GBE1: variants seen among roughly 807,000 people sequenced by gnomAD.
The protein encoded by GBE1 is 1,4-alpha-glucan-branching enzyme.
In GBE1, 70 loss-of-function variants were observed where a neutral mutation model predicts 88.8. The observed-to-expected ratio is 0.79, with a 90% CI of 0.65 to 0.96. The LOEUF is 0.96. GBE1 is among the 40% of genes least tolerant of loss of function. The pLI is 0.00. For synonymous variants in GBE1, 284 were observed against 300.1 expected (o/e 0.95, Z 0.56); for missense variants, 872 against 871.0 (o/e 1.00, Z -0.01).
At chr3:81,553,699 AAACAG>A (rs1297680492) in intron 12 of GBE1, among the ~76,000 whole-genome samples, 13 of 151,396 alleles carry the variant, frequency 8.6e-5, no homozygotes, top group African/African-American at 2.9e-4. Context: ...AAAAAAAAAA[AAACAG>A]ACAGAAAGTA....
At position 81,731,430 on chromosome 3, in the gene GBE1, C is replaced by T. The variant is rs1706184082; in HGVS notation, c.144-25817G>A. Among the ~76,000 whole-genome samples, 3 of 152,140 alleles carry T rather than the reference C, an allele frequency of 2.0e-5. No individual in the cohort carries two copies. The South Asian group carries it at 6.2e-4, about 32-fold the overall frequency. On this transcript the variant is annotated intron_variant, in intron 1 of 15. Transcript: ENST00000429644. ...CAAAAGCTAAGCCACTGGAATTATCCACTATGGATTCCCTATTACCATATC... is the reference window on the plus strand; with the variant it reads ...CAAAAGCTAAGCCACTGGAATTATCTACTATGGATTCCCTATTACCATATC...
chr3:81,669,543 T>C (rs931417382), intron 3 of GBE1, among the ~76,000 whole-genome samples: 3 of 151,990 alleles, frequency 2.0e-5, no homozygotes, highest in African/African-American at 7.2e-5. Flanking sequence ...AGTCTCAAAA[T>C]GGCTTTAACA....
chr3:81,588,503 T>C (rs1384764821), intron 9 of GBE1, among the ~76,000 whole-genome samples: 1 of 152,086 alleles, frequency 6.6e-6, no homozygotes, highest in Non-Finnish European at 1.5e-5. Flanking sequence ...TTTTAGGAAA[T>C]AGAATCTGCT....
intron 1 of GBE1, among the ~76,000 whole-genome samples, chr3:81,723,738 C>A (rs1706070141): frequency 6.6e-6 from 1 of 152,142 alleles, no homozygotes; most frequent in South Asian, 2.1e-4. Context: ...GACTGGTTAC[C>A]ACCAACGCAC....
chr3:81,670,070 A>C (rs1705168217), intron 3 of GBE1, among the ~76,000 whole-genome samples: 1 of 152,208 alleles, frequency 6.6e-6, no homozygotes, highest in Admixed American at 6.5e-5. Context: ...AATATTATAT[A>C]ATTATATGAC....
chr3:81,617,761 C>G (rs1704270088), intron 7 of GBE1, among the ~76,000 whole-genome samples: 1 of 151,690 alleles, frequency 6.6e-6, no homozygotes, highest in Non-Finnish European at 1.5e-5. Flanking sequence ...CCTTCTTTTT[C>G]TCTTTTCTGG....
intron 7 of GBE1, among the ~76,000 whole-genome samples, chr3:81,623,801 A>C (rs1559666698): frequency 6.6e-6 from 1 of 152,054 alleles, no homozygotes; most frequent in African/African-American, 2.4e-5. Flanking sequence ...AGTAGCTGGG[A>C]CTTCAGGTGA....
At chr3:81,650,582 A>G (rs1704832414) in intron 3 of GBE1, among the ~76,000 whole-genome samples, 1 of 151,940 alleles carries the variant, frequency 6.6e-6, no homozygotes. Context: ...TGAATCTACC[A>G]TTAAGACTTA....
chr3:81,490,470 C>T lies in GBE1; in HGVS notation c.2053-7G>A. 3 of 1,610,764 alleles carry T rather than the reference C, an allele frequency of 1.9e-6. No homozygotes were observed. Among genetic ancestry groups the T allele is most frequent in the Non-Finnish European group, 2.5e-6 (3 of 1,177,510 alleles). On this transcript the variant is annotated splice_region_variant and splice_polypyrimidine_tract_variant and intron_variant, in intron 15 of 15. Coordinates refer to ENST00000429644, the MANE Select transcript of GBE1 (RefSeq NM_000158.4). ...CTCTGCTTGGAATGTACACCTACGT[C>T]AAAACAATTATGTCAGTGCAATTGA...
At chr3:81,505,383 G>A (rs189278111) in intron 14 of GBE1, among the ~76,000 whole-genome samples, 223 of 152,254 alleles carry the variant, frequency 1.5e-3, no homozygotes, top group African/African-American at 5.2e-3. Flanking sequence ...AGCAAGGAGA[G>A]TTTCATGATT....
intron 3 of GBE1, among the ~76,000 whole-genome samples, chr3:81,665,339 C>T (rs113122927): frequency 0.047 from 7,164 of 151,892 alleles, 475 homozygotes; most frequent in East Asian, 0.34. Context: ...CGAGACCATC[C>T]TGGCTAACAC....
rs116360008 is a variant in GBE1, at chr3:81,726,342, C to G, written c.144-20729G>C. On this transcript the variant is annotated intron_variant, in intron 1 of 15. Transcript: ENST00000429644. ...GCTTTTAGTATTTATTGTTTGTGAGCGTGGTTTTGAGAATGTTGCTGGAAG... is the reference window on the plus strand; with the variant it reads ...GCTTTTAGTATTTATTGTTTGTGAGGGTGGTTTTGAGAATGTTGCTGGAAG... Among the ~76,000 whole-genome samples, 618 of 151,888 alleles carry G rather than the reference C, an allele frequency of 4.1e-3. 9 individuals carry two copies. The highest frequency in any genetic ancestry group is 0.014 in the Middle Eastern group (4 of 294).
chr3:81,635,730 G>A (rs937964925), intron 7 of GBE1, among the ~76,000 whole-genome samples: 1 of 152,080 alleles, frequency 6.6e-6, no homozygotes, highest in Non-Finnish European at 1.5e-5. Context: ...AGACTTAAAT[G>A]GATAATCACT....
intron 7 of GBE1, among the ~76,000 whole-genome samples, chr3:81,640,486 CT>C (rs1704657437): frequency 6.6e-6 from 1 of 152,086 alleles, no homozygotes. Flanking sequence ...GGCTTCCCTA[CT>C]TTTGAGGTTT....
At chr3:81,595,877 T>A (rs1703950088) in intron 7 of GBE1, among the ~76,000 whole-genome samples, 1 of 151,988 alleles carries the variant, frequency 6.6e-6, no homozygotes, top group Non-Finnish European at 1.5e-5. Flanking sequence ...AACAAAAAAA[T>A]TCCTGTGATA....
chr3:81,501,715 T>A (rs990997228), intron 14 of GBE1, among the ~76,000 whole-genome samples: 1 of 134,238 alleles, frequency 7.4e-6, no homozygotes, highest in Non-Finnish European at 1.6e-5. Context: ...TTTTTTTTTT[T>A]AAGACAGGGT....
intron 10 of GBE1, among the ~76,000 whole-genome samples, chr3:81,582,780 A>C (rs1348700312): frequency 1.3e-5 from 2 of 152,122 alleles, no homozygotes; most frequent in African/African-American, 4.8e-5. Flanking sequence ...ATAAAAAATA[A>C]AAACTATAAA....
chr3:81,674,021 T>C (rs1311112665), intron 2 of GBE1, among the ~76,000 whole-genome samples: 2 of 151,918 alleles, frequency 1.3e-5, no homozygotes, highest in Non-Finnish European at 2.9e-5. Context: ...TCTGCAAGCA[T>C]ATATGTATGA....
chr3:81,718,434 G>A (rs955579100), intron 1 of GBE1, among the ~76,000 whole-genome samples: 1 of 152,076 alleles, frequency 6.6e-6, no homozygotes, highest in African/African-American at 2.4e-5. Context: ...GCTTACTTAA[G>A]CTCTCACAAT....
Sources: gnomAD v4.1 joint callset for allele counts (sites outside exome capture counted in the v4.1 genomes callset) on GRCh38, gnomAD v4.1.1 for gene constraint, MANE v1.5 for transcripts, NCBI Gene and HGNC (gene_info 2026-07-23, HGNC 2026-07-21) for gene names.